The following XKR4 variants were observed in gnomAD, a reference collection of about 807,000 sequenced individuals.
The protein encoded by XKR4 is XK-related protein 4.
XKR4 carries 12 observed loss-of-function variants against 53.9 expected under a neutral mutation model. The ratio of observed to expected loss-of-function variants is 0.22; its 90% CI spans 0.14 to 0.36. The LOEUF (loss-of-function observed/expected upper bound fraction) is 0.36. XKR4 is among the 10% of genes least tolerant of loss of function. XKR4 has a pLI of 1.00. For missense variants in XKR4, 799 were observed against 859.5 expected, an observed-to-expected ratio of 0.93 and a Z score of 0.88; for synonymous variants, 354 against 362.4, an observed-to-expected ratio of 0.98 and a Z score of 0.26.
intron 2 of XKR4, among the ~76,000 whole-genome samples, chr8:55,490,787 T>G (rs1433831737): frequency 7.3e-6 from 1 of 137,054 alleles, no homozygotes; most frequent in East Asian, 1.9e-4. Flanking sequence ...TACAAAGTAC[T>G]TTGGAGTATG....
chr8:55,509,219 A>T (rs1327246181), intron 2 of XKR4, among the ~76,000 whole-genome samples: 1 of 152,156 alleles, frequency 6.6e-6, no homozygotes, highest in African/African-American at 2.4e-5. Flanking sequence ...TAGAGACAAC[A>T]CCTGACCAAG....
At chr8:55,431,838 A>G (rs780494161) in intron 2 of XKR4, among the ~76,000 whole-genome samples, 1 of 152,202 alleles carries the variant, frequency 6.6e-6, no homozygotes. Context: ...GATAAGACTC[A>G]TTTGTTGGGG....
chr8:55,446,775 C>G, intron 2 of XKR4, among the ~76,000 whole-genome samples: 1 of 152,274 alleles, frequency 6.6e-6, no homozygotes, highest in South Asian at 2.1e-4. Flanking sequence ...CAAGCAAAAC[C>G]TTTGCCAGGC....
intron 1 of XKR4, among the ~76,000 whole-genome samples, chr8:55,296,651 A>G (rs1444781189): frequency 6.6e-6 from 1 of 152,174 alleles, no homozygotes; most frequent in African/African-American, 2.4e-5. Context: ...GCATAAGTAA[A>G]AAGGTCATAG....
chr8:55,489,070 C>G (rs1019378282), intron 2 of XKR4, among the ~76,000 whole-genome samples: 1 of 152,012 alleles, frequency 6.6e-6, no homozygotes, highest in East Asian at 1.9e-4. Context: ...ATGGTGGATA[C>G]ATGGCATTAT....
At chr8:55,380,677 A>C (rs981562114) in intron 2 of XKR4, among the ~76,000 whole-genome samples, 1 of 152,248 alleles carries the variant, frequency 6.6e-6, no homozygotes, top group African/African-American at 2.4e-5. Context: ...CCAAGAGAGA[A>C]ACTAAATTCT....
At chr8:55,251,098 G>A (rs1346998302) in intron 1 of XKR4, among the ~76,000 whole-genome samples, 1 of 152,202 alleles carries the variant, frequency 6.6e-6, no homozygotes. Flanking sequence ...TATAGGCATA[G>A]GCGTAGACGT....
chr8:55,457,146 C>CTTTTCTTTTTT (rs533607534), intron 2 of XKR4, among the ~76,000 whole-genome samples: 48,181 of 135,372 alleles, frequency 0.36, 9,307 homozygotes, highest in East Asian at 0.5. Context: ...TTTTCCTTTT[C>CTTTTCTTTTTT]TTTTTTTTTT....
intron 1 of XKR4, among the ~76,000 whole-genome samples, chr8:55,351,518 A>C (rs2129383652): frequency 6.6e-6 from 1 of 152,364 alleles, no homozygotes; most frequent in East Asian, 1.9e-4. Flanking sequence ...TCTCCCAGAA[A>C]AAAACTGGAA....
At position 55,119,062 on chromosome 8, in the gene XKR4, A is replaced by G. The variant is rs115719703; in HGVS notation, c.806+15768A>G. ...TAAACTCAGATACTGTGGAGTGAAA[A>G]TGCCTTCACTCATTCATTTAATAAA... On this transcript the variant is annotated intron_variant, in intron 1 of 2. Coordinates refer to ENST00000327381, the MANE Select transcript of XKR4 (RefSeq NM_052898.2). 3.9e-3 allele frequency among the ~76,000 whole-genome samples: 588 copies of G among 152,312 alleles called. 5 individuals carry two copies. Among genetic ancestry groups the G allele is most frequent in the African/African-American group, 0.013 (543 of 41,570 alleles).
At chr8:55,208,085 G>T (rs1306501081) in intron 1 of XKR4, among the ~76,000 whole-genome samples, 1 of 152,194 alleles carries the variant, frequency 6.6e-6, no homozygotes, top group Non-Finnish European at 1.5e-5. Context: ...TGCACATCAT[G>T]ATGTTTTGAC....
chr8:55,341,299 C>A (rs1197912942), intron 1 of XKR4, among the ~76,000 whole-genome samples: 2 of 152,154 alleles, frequency 1.3e-5, no homozygotes, highest in Non-Finnish European at 2.9e-5. Context: ...ATTACATTAC[C>A]TGGCAGGTGG....
intron 1 of XKR4, among the ~76,000 whole-genome samples, chr8:55,287,125 AT>A (rs1563315671): frequency 1.8e-5 from 1 of 56,626 alleles, no homozygotes; most frequent in African/African-American, 6.4e-5. Context: ...TCAAATAATT[AT>A]TGGGTGGGGG....
chr8:55,130,697 C>G (rs1351912388), intron 1 of XKR4, among the ~76,000 whole-genome samples: 1 of 152,112 alleles, frequency 6.6e-6, no homozygotes, highest in East Asian at 1.9e-4. Context: ...TGACTAGGCC[C>G]CCATTATCTA....
intron 2 of XKR4, among the ~76,000 whole-genome samples, chr8:55,455,702 C>T (rs541415892): frequency 2.4e-4 from 36 of 152,278 alleles, no homozygotes; most frequent in African/African-American, 6.7e-4. Flanking sequence ...ACATTTCTGG[C>T]CTGCAGATAA....
At chr8:55,400,238 C>T (rs1804578727) in intron 2 of XKR4, among the ~76,000 whole-genome samples, 1 of 152,178 alleles carries the variant, frequency 6.6e-6, no homozygotes, top group Non-Finnish European at 1.5e-5. Context: ...AATCCTCTAG[C>T]TCATGATGGG....
At chr8:55,216,662 G>A (rs541325590) in intron 1 of XKR4, among the ~76,000 whole-genome samples, 1 of 151,802 alleles carries the variant, frequency 6.6e-6, no homozygotes, top group South Asian at 2.1e-4. Flanking sequence ...GGGAGGCAGA[G>A]GTTGCAGTGA....
At chr8:55,308,503 TG>T (rs1819341207) in intron 1 of XKR4, among the ~76,000 whole-genome samples, 1 of 152,120 alleles carries the variant, frequency 6.6e-6, no homozygotes, top group Non-Finnish European at 1.5e-5. Flanking sequence ...AAGAACAGCA[TG>T]GGGGAAACTG....
intron 2 of XKR4, among the ~76,000 whole-genome samples, chr8:55,360,755 A>T (rs899006796): frequency 1.3e-5 from 2 of 152,250 alleles, no homozygotes; most frequent in Non-Finnish European, 2.9e-5. Context: ...AAATAAGAAA[A>T]ATCAGACAAG....
Sources: allele counts gnomAD v4.1 joint callset (sites outside exome capture counted in the v4.1 genomes callset), GRCh38; gene constraint gnomAD v4.1.1; transcripts MANE v1.5; gene names NCBI Gene and HGNC (gene_info 2026-07-23, HGNC 2026-07-21).